The following CFAP45 variants were observed in gnomAD, a reference collection of about 807,000 sequenced individuals.
The protein encoded by CFAP45 is cilia and flagella associated protein 45.
In CFAP45, 43 loss-of-function variants were observed where a neutral mutation model predicts 75.6. That is an observed-to-expected ratio of 0.57 (90% CI 0.45 to 0.73). The LOEUF (loss-of-function observed/expected upper bound fraction) is 0.73. Ranked by LOEUF, CFAP45 falls within the 30% of genes least tolerant of loss-of-function variation. The pLI is 0.00. For missense variants in CFAP45, 689 were observed against 701.5 expected (o/e 0.98, Z 0.20); for synonymous variants, 223 against 244.6 (o/e 0.91, Z 0.82).
chr1:159,878,929 C>G (rs896919968), intron 8 of CFAP45, among the ~76,000 whole-genome samples: 1 of 151,964 alleles, frequency 6.6e-6, no homozygotes, highest in African/African-American at 2.4e-5. Context: ...TTTCTACAAC[C>G]AATTTCTGCT....
chr1:159,888,923 T>A (rs974463852), intron 3 of CFAP45, among the ~76,000 whole-genome samples: 1 of 152,150 alleles, frequency 6.6e-6, no homozygotes, highest in African/African-American at 2.4e-5. Context: ...AACTCTGTCT[T>A]AACCACACTG....
At chr1:159,890,751 TC>T (rs369428079) in intron 2 of CFAP45, 129 bp from the exon 3 acceptor site, 7 of 628,402 alleles carry the variant, frequency 1.1e-5, no homozygotes, top group South Asian at 7.0e-5. Context: ...GACCAGCTTT[TC>T]TTTTCTTTTT....
At chr1:159,898,860 T>A (rs60378648) in intron 1 of CFAP45, among the ~76,000 whole-genome samples, 20,051 of 152,064 alleles carry the variant, frequency 0.13, 1,881 homozygotes, top group African/African-American at 0.26. Context: ...CCCACCCCAA[T>A]TACAACACTG....
chr1:159,893,761 G>C (rs1649882617), intron 1 of CFAP45, among the ~76,000 whole-genome samples: 2 of 151,956 alleles, frequency 1.3e-5, no homozygotes, highest in South Asian at 4.1e-4. Context: ...ATCTAGGAGA[G>C]GATTTTGAGA....
At chr1:159,883,255 C>T (rs1486573017) in intron 7 of CFAP45, among the ~76,000 whole-genome samples, 2 of 151,832 alleles carry the variant, frequency 1.3e-5, no homozygotes, top group Non-Finnish European at 1.5e-5. Flanking sequence ...CTAGATGCTT[C>T]AAAATATCAG....
intron 3 of CFAP45, among the ~76,000 whole-genome samples, chr1:159,889,491 G>A (rs1184618215): frequency 6.6e-6 from 1 of 152,168 alleles, no homozygotes; most frequent in African/African-American, 2.4e-5. Context: ...ACAAAGCAAC[G>A]TGGCCCTAAA....
In CFAP45 at chr1:159,872,451, C is replaced by A. The variant is rs571895995; in HGVS notation, c.*34G>T. 7.5e-5 allele frequency: 117 copies of A among 1,562,968 alleles called. No homozygotes were observed. The highest frequency in any genetic ancestry group is 9.3e-5 in the Non-Finnish European group (105 of 1,133,464). On this transcript the variant is annotated 3_prime_UTR_variant, in exon 12 of 12. Transcript: ENST00000368099. Reference sequence around the variant, plus strand: ...CCCAGAGACTGGGCAGAATCTGTCCCCCGAAGGCATCCTGAGGGCCACGAA... The same window carrying A: ...CCCAGAGACTGGGCAGAATCTGTCCACCGAAGGCATCCTGAGGGCCACGAA...
intron 10 of CFAP45, among the ~76,000 whole-genome samples, chr1:159,873,723 T>C (rs1332551879): frequency 6.6e-6 from 1 of 152,212 alleles, no homozygotes; most frequent in Non-Finnish European, 1.5e-5. Context: ...CTGAAAATTA[T>C]GCAACCAGTC....
rs1430175893 is a variant in CFAP45, at chr1:159,890,563, A to C, written c.189T>G (p.Leu63=). Residue 63 remains leucine (L), a synonymous_variant, in exon 3 of 12, where the codon CTT becomes CTG. Transcript: ENST00000368099. ...PIVLLRDKHT[L]QKTLTALGLD... ...AGCCCAAAGCAGTGAGAGTTTTTTGAAGGGTATGCTTATCTCGGAGCAGCA... is the reference window on the plus strand; with the variant it reads ...AGCCCAAAGCAGTGAGAGTTTTTTGCAGGGTATGCTTATCTCGGAGCAGCA... 2 of 1,613,940 alleles carry C rather than the reference A, an allele frequency of 1.2e-6. No individual in the cohort carries two copies. Among genetic ancestry groups the C allele is most frequent in the Admixed American group, 3.3e-5 (2 of 60,002 alleles).
intron 2 of CFAP45, among the ~76,000 whole-genome samples, chr1:159,892,222 G>A (rs1649845406): frequency 6.6e-6 from 1 of 152,136 alleles, no homozygotes; most frequent in East Asian, 1.9e-4. Context: ...GGGAAGTGGA[G>A]GTGGCAGTGA....
chr1:159,884,888 C>A (rs957510492), intron 6 of CFAP45, among the ~76,000 whole-genome samples: 3 of 152,150 alleles, frequency 2.0e-5, no homozygotes, highest in African/African-American at 7.2e-5. Context: ...TTTCTGAAAT[C>A]CTACCACCTC....
rs373491517 is a variant in CFAP45, at chr1:159,876,642, T to C, written c.1266A>G (p.Lys422=). Reference sequence around the variant, plus strand: ...TGAAAGCCACCTGTTCGAGCCGACTTTTTCGCAGCTCAGCCTCTGTTTCCA... The same window carrying C: ...TGAAAGCCACCTGTTCGAGCCGACTCTTTCGCAGCTCAGCCTCTGTTTCCA... ...KKMETEAELR[K]SRLEQVAFKE... Residue 422 remains lysine (K), a synonymous_variant, in exon 10 of 12, where the codon AAA becomes AAG. Transcript: ENST00000368099. 2 of 1,614,178 alleles carry C rather than the reference T, an allele frequency of 1.2e-6. No homozygotes were observed. The highest frequency in any genetic ancestry group is 1.7e-6 in the Non-Finnish European group (2 of 1,180,016).
chr1:159,884,069 T>A (rs1001842243), intron 7 of CFAP45, among the ~76,000 whole-genome samples: 1 of 152,222 alleles, frequency 6.6e-6, no homozygotes, highest in African/African-American at 2.4e-5. Flanking sequence ...ATATTGCTAC[T>A]GTTCATCTAC....
chr1:159,891,289 T>C (rs529619743), intron 2 of CFAP45, among the ~76,000 whole-genome samples: 1 of 152,182 alleles, frequency 6.6e-6, no homozygotes. Flanking sequence ...TTTGAAGCAA[T>C]ATAATTTGTT....
Position 159,888,454 on chromosome 1 carries a change from G to A in CFAP45, c.315C>T (p.Ser105=), listed in dbSNP as rs751542206. 1 of 1,604,846 alleles carries A rather than the reference G, an allele frequency of 6.2e-7. No individual in the cohort carries two copies. Among genetic ancestry groups the A allele is most frequent in the Non-Finnish European group, 8.5e-7 (1 of 1,172,988 alleles). ...ATTTGATTCGCTCAAACTCCTCAGG[G>A]CTGATGATTAGGGACTCCCCGGAGG... is the stretch of plus-strand genomic sequence containing the variant. The part of the protein sequence containing the change: ...EDPSGESLII[S]PEEFERIKWA... The change falls in exon 4 of 12, where the codon AGC becomes AGT. Residue 105 remains serine (S), a synonymous_variant. Coordinates refer to ENST00000368099, the MANE Select transcript of CFAP45 (RefSeq NM_012337.3).
chr1:159,891,797 G>C (rs1247100971), intron 2 of CFAP45, among the ~76,000 whole-genome samples: 1 of 152,150 alleles, frequency 6.6e-6, no homozygotes, highest in Non-Finnish European at 1.5e-5. Flanking sequence ...TGCCCATTGA[G>C]AGACTTCCTG....
At chr1:159,895,301 G>T (rs1339340265) in intron 1 of CFAP45, among the ~76,000 whole-genome samples, 1 of 152,196 alleles carries the variant, frequency 6.6e-6, no homozygotes, top group East Asian at 1.9e-4. Context: ...TACCTTGAAG[G>T]AATAGGCCAG....
intron 5 of CFAP45, 100 bp from the exon 6 acceptor site, chr1:159,886,789 G>A (rs1649698826): frequency 6.3e-6 from 6 of 959,040 alleles, no homozygotes; most frequent in Non-Finnish European, 1.0e-5. Flanking sequence ...CATGCTGGAG[G>A]TGTGCATGAC....
chr1:159,896,001 G>T (rs1028678499), intron 1 of CFAP45, among the ~76,000 whole-genome samples: 7 of 152,234 alleles, frequency 4.6e-5, no homozygotes, highest in African/African-American at 1.7e-4. Context: ...TACTTTTCCG[G>T]AATACAACTG....
Sources: gnomAD v4.1 joint callset for allele counts (sites outside exome capture counted in the v4.1 genomes callset) on GRCh38, gnomAD v4.1.1 for gene constraint, MANE v1.5 for transcripts, NCBI Gene and HGNC (gene_info 2026-07-23, HGNC 2026-07-21) for gene names.